The following KCNAB1 variants were observed in gnomAD, a reference collection of about 807,000 sequenced individuals.
KCNAB1 encodes potassium voltage-gated channel subfamily A regulatory beta subunit 1.
Under a neutral mutation model 64.6 loss-of-function variants are expected in KCNAB1, and 35 were observed. That is an observed-to-expected ratio of 0.54 (90% confidence interval 0.41 to 0.72). The LOEUF is 0.72. Ranked by LOEUF, KCNAB1 falls within the 30% of genes least tolerant of loss-of-function variation. The pLI is 0.00. For missense variants in KCNAB1, 401 were observed against 512.9 expected (o/e 0.78, Z 2.11); for synonymous variants, 177 against 183.8 (o/e 0.96, Z 0.30).
intron 1 of KCNAB1, among the ~76,000 whole-genome samples, chr3:156,173,033 GCTCATTGA>G (rs1399296412): frequency 4.6e-5 from 7 of 152,284 alleles, no homozygotes; most frequent in African/African-American, 1.7e-4. Flanking sequence ...GACATGTAAG[GCTCATTGA>G]AAGCATCTGG....
At chr3:156,496,363 C>T in intron 8 of KCNAB1, among the ~76,000 whole-genome samples, 1 of 152,088 alleles carries the variant, frequency 6.6e-6, no homozygotes, top group Middle Eastern at 3.2e-3. Flanking sequence ...GTGCTGTTCT[C>T]ATGATGGTGA....
chr3:156,438,844 T>G (rs1716779342), intron 2 of KCNAB1, among the ~76,000 whole-genome samples: 2 of 152,076 alleles, frequency 1.3e-5, no homozygotes, highest in African/African-American at 2.4e-5. Context: ...TGAAACCCCG[T>G]CTCTACTAGA....
chr3:156,440,410 C>T (rs886741641), intron 2 of KCNAB1, among the ~76,000 whole-genome samples: 1 of 152,200 alleles, frequency 6.6e-6, no homozygotes, highest in Non-Finnish European at 1.5e-5. Context: ...ACAATGGAAA[C>T]TTGTCTTCAG....
intron 8 of KCNAB1, among the ~76,000 whole-genome samples, chr3:156,481,214 C>G (rs908982640): frequency 6.6e-6 from 1 of 151,872 alleles, no homozygotes; most frequent in Non-Finnish European, 1.5e-5. Flanking sequence ...TACAGCTGCC[C>G]CCTGAGTATT....
chr3:156,308,268 G>C (rs1309395299), intron 1 of KCNAB1, among the ~76,000 whole-genome samples: 1 of 152,174 alleles, frequency 6.6e-6, no homozygotes, highest in East Asian at 1.9e-4. Context: ...AGAACATTAA[G>C]GTTAGAATGG....
At chr3:156,354,676 T>C (rs1725110963) in intron 1 of KCNAB1, among the ~76,000 whole-genome samples, 1 of 148,304 alleles carries the variant, frequency 6.7e-6, no homozygotes, top group African/African-American at 2.5e-5. Flanking sequence ...TAATGGAGAA[T>C]TGGGATAAAC....
intron 1 of KCNAB1, among the ~76,000 whole-genome samples, chr3:156,194,190 C>A (rs374689706): frequency 8.6e-5 from 13 of 150,780 alleles, no homozygotes; most frequent in Non-Finnish European, 1.6e-4. Flanking sequence ...GCTTGTCATT[C>A]TTTTATATAG....
At chr3:156,221,449 T>C (rs1191185957) in intron 1 of KCNAB1, among the ~76,000 whole-genome samples, 2 of 152,104 alleles carry the variant, frequency 1.3e-5, no homozygotes, top group Non-Finnish European at 2.9e-5. Context: ...TGGGGTCCTA[T>C]CTTTAGCCCC....
chr3:156,246,288 CA>C (rs1717446734), intron 1 of KCNAB1, among the ~76,000 whole-genome samples: 1 of 151,656 alleles, frequency 6.6e-6, no homozygotes, highest in South Asian at 2.1e-4. Context: ...ATGAGACTAT[CA>C]AAACCAAGCA....
At chr3:156,177,103 T>G (rs4680239) in intron 1 of KCNAB1, among the ~76,000 whole-genome samples, 1 of 151,894 alleles carries the variant, frequency 6.6e-6, no homozygotes, top group Non-Finnish European at 1.5e-5. Context: ...TCAACTTTAT[T>G]GTATGTGATA....
chr3:156,514,492 T>G (rs1395966240), intron 9 of KCNAB1, 43 bp downstream of exon 9: 1 of 1,439,862 alleles, frequency 6.9e-7, no homozygotes, highest in Non-Finnish European at 9.8e-7. Context: ...AGTACCTTAT[T>G]ATTGCTTTTC....
intron 1 of KCNAB1, among the ~76,000 whole-genome samples, chr3:156,203,567 G>A (rs1381300651): frequency 3.4e-4 from 51 of 152,146 alleles, no homozygotes; most frequent in South Asian, 2.1e-4. Flanking sequence ...AATGAAATAC[G>A]TTAACACATG....
intron 8 of KCNAB1, among the ~76,000 whole-genome samples, chr3:156,485,533 C>G (rs1395560036): frequency 6.6e-6 from 1 of 151,112 alleles, no homozygotes; most frequent in Non-Finnish European, 1.5e-5. Flanking sequence ...ATTTGTTTTG[C>G]TTTTTTGGGG....
At chr3:156,412,328 A>G (rs909348802) in intron 1 of KCNAB1, among the ~76,000 whole-genome samples, 12 of 152,314 alleles carry the variant, frequency 7.9e-5, no homozygotes, top group Middle Eastern at 6.8e-3. Context: ...GATGAGAGAC[A>G]GTTTTATTTC....
At chr3:156,446,884 A>G (rs1711607487) in intron 2 of KCNAB1, 1 of 152,236 alleles carries the variant, frequency 6.6e-6, no homozygotes, top group Non-Finnish European at 1.5e-5. Flanking sequence ...TTTAAAAGAA[A>G]GTCAGATTGT....
Position 156,147,960 on chromosome 3 carries a change from C to CACACAT in KCNAB1, c.275+27074_275+27075insACACAT, listed in dbSNP as rs200388168. On this transcript the variant is annotated intron_variant, in intron 1 of 13. Coordinates refer to ENST00000490337, the MANE Select transcript of KCNAB1 (RefSeq NM_172160.3). ...GCCAAGACACACACACACACACACA[C>CACACAT]GCACGCACACGCACACACAAACACA... 4.1e-3 allele frequency among the ~76,000 whole-genome samples: 460 copies of CACACAT among 113,576 alleles called. 2 individuals are homozygous for CACACAT. The highest frequency in any genetic ancestry group is 0.018 in the African/African-American group (422 of 23,430). 74.5% of individuals were successfully genotyped at this position (113,576 alleles called of 152,430 possible).
At position 156,324,875 on chromosome 3, in the gene KCNAB1, C is replaced by T. The variant is rs181311781; in HGVS notation, c.276-96741C>T. Among the ~76,000 whole-genome samples the T allele has an allele frequency of 3.9e-5, 6 of 152,194 alleles. No individual in the cohort carries two copies. The East Asian group carries it at 1.2e-3, about 29-fold the overall frequency. Reference sequence around the variant, plus strand: ...TTGAGAGTGTGAGTACAGGGGAGCTCCTTTTCTTATTAACCCCACTAGAAT... The same window carrying T: ...TTGAGAGTGTGAGTACAGGGGAGCTTCTTTTCTTATTAACCCCACTAGAAT... On this transcript the variant is annotated intron_variant, in intron 1 of 13. Coordinates refer to ENST00000490337, the MANE Select transcript of KCNAB1 (RefSeq NM_172160.3).
intron 8 of KCNAB1, among the ~76,000 whole-genome samples, chr3:156,504,873 G>T (rs1337853648): frequency 1.3e-5 from 2 of 150,478 alleles, no homozygotes; most frequent in East Asian, 3.9e-4. Context: ...TTACACTGTT[G>T]ATTAGCTCCT....
chr3:156,374,222 A>G (rs1038583611), intron 1 of KCNAB1, among the ~76,000 whole-genome samples: 5 of 152,190 alleles, frequency 3.3e-5, no homozygotes, highest in Non-Finnish European at 7.3e-5. Flanking sequence ...TCTAGGTCTC[A>G]GTTTTCTCAG....
Sources: gnomAD v4.1 joint callset for allele counts (sites outside exome capture counted in the v4.1 genomes callset) on GRCh38, gnomAD v4.1.1 for gene constraint, MANE v1.5 for transcripts, NCBI Gene and HGNC (gene_info 2026-07-23, HGNC 2026-07-21) for gene names.